Variants in DPYSL5 observed in about 807,000 individuals in gnomAD.
The protein encoded by DPYSL5 is dihydropyrimidinase like 5.
DPYSL5 carries 9 observed loss-of-function variants against 58.4 expected under a neutral mutation model. The ratio of observed to expected loss-of-function variants is 0.15; its 90% CI spans 0.09 to 0.27. DPYSL5 has a LOEUF of 0.27. Among genes scored for constraint, DPYSL5 ranks in the 10% least tolerant of loss-of-function variants. DPYSL5 has a pLI of 1.00. For synonymous variants in DPYSL5, 293 were observed against 301.9 expected, an observed-to-expected ratio of 0.97 and a Z score of 0.31; for missense variants, 499 against 770.6, an observed-to-expected ratio of 0.65 and a Z score of 4.17.
At chr2:26,862,158 G>A (rs1666032283) in intron 1 of DPYSL5, among the ~76,000 whole-genome samples, 1 of 152,166 alleles carries the variant, frequency 6.6e-6, no homozygotes, top group Admixed American at 6.5e-5. Flanking sequence ...GAGGACCCAG[G>A]GCTCCTGACC....
chr2:26,868,252 C>T (rs564380054), intron 1 of DPYSL5, among the ~76,000 whole-genome samples: 174 of 152,284 alleles, frequency 1.1e-3, no homozygotes, highest in African/African-American at 3.9e-3. Flanking sequence ...ATATGCGCTG[C>T]ACATGTTTTC....
chr2:26,848,101 C>T (rs1558315504), upstream of DPYSL5: 1 of 151,510 alleles, frequency 6.6e-6, no homozygotes, highest in East Asian at 2.0e-4. Flanking sequence ...CTCCCCCGCT[C>T]CCCACTCTGG....
In DPYSL5 at chr2:26,948,413, G is replaced by T. The variant is rs1665544865; in HGVS notation, c.*1418G>T. The T allele has an allele frequency of 6.6e-6, 1 of 152,390 alleles. No individual in the cohort carries two copies. The highest frequency in any genetic ancestry group is 2.1e-4 in the South Asian group (1 of 4,838). 9.4% of individuals were successfully genotyped at this position (152,390 alleles called of 1,614,324 possible). ...CAGAAGTTCCCATGGAAACACTAGA[G>T]GCCGGGTGTCTCCTTCCACCTCCAG... is the stretch of plus-strand genomic sequence containing the variant. On this transcript the variant is annotated 3_prime_UTR_variant, in exon 13 of 13. Coordinates refer to ENST00000288699, the MANE Select transcript of DPYSL5 (RefSeq NM_020134.4).
At chr2:26,857,463 C>G (rs1231207027) in intron 1 of DPYSL5, among the ~76,000 whole-genome samples, 1 of 151,960 alleles carries the variant, frequency 6.6e-6, no homozygotes, top group African/African-American at 2.4e-5. Context: ...TCGCTTGAAC[C>G]CGGGAGGTGG....
intron 12 of DPYSL5, 33 bp from the exon 13 acceptor site, chr2:26,946,877 C>A (rs1244732542): frequency 1.3e-6 from 2 of 1,583,504 alleles, no homozygotes; most frequent in African/African-American, 1.3e-5. Context: ...GGCACAAGAG[C>A]CCGTCTCACC....
chr2:26,913,624 T>A (rs1356647822), intron 2 of DPYSL5, among the ~76,000 whole-genome samples: 2 of 152,202 alleles, frequency 1.3e-5, no homozygotes, highest in African/African-American at 4.8e-5. Context: ...ATTTTGAGAA[T>A]CAAGTAAGAT....
intron 1 of DPYSL5, among the ~76,000 whole-genome samples, chr2:26,885,592 A>G (rs946639936): frequency 3.3e-5 from 5 of 152,168 alleles, no homozygotes; most frequent in African/African-American, 4.8e-5. Context: ...AGACCTCCTC[A>G]CTAGCCAATT....
intron 2 of DPYSL5, among the ~76,000 whole-genome samples, chr2:26,921,135 G>A (rs941128292): frequency 2.0e-5 from 3 of 152,072 alleles, no homozygotes; most frequent in Admixed American, 6.6e-5. Context: ...TATTTGGCCC[G>A]GGGATATAGC....
chr2:26,941,861 TA>T, intron 9 of DPYSL5, 88 bp from the exon 10 acceptor site: 1 of 1,569,466 alleles, frequency 6.4e-7, no homozygotes, highest in Non-Finnish European at 8.7e-7. Flanking sequence ...ACCTAAGCCC[TA>T]AGTCCATGGG....
rs1349815579 is a variant in DPYSL5 at position 26,905,415 on chromosome 2, G to T, written c.261+6655G>T. On this transcript the variant is annotated intron_variant, in intron 2 of 12. Coordinates refer to ENST00000288699, the MANE Select transcript of DPYSL5 (RefSeq NM_020134.4). The surrounding 1 kb of genome is among the most constrained non-coding windows in gnomAD (Gnocchi z 4.0). ...AGGCTCTTTTCTTCCAGTTCCTTGAGAAAAGATCCACCGACTTTGGCTTCA... is the reference window on the plus strand; with the variant it reads ...AGGCTCTTTTCTTCCAGTTCCTTGATAAAAGATCCACCGACTTTGGCTTCA... Among the ~76,000 whole-genome samples the T allele has an allele frequency of 1.3e-5, 2 of 152,168 alleles. No individual in the cohort carries two copies. Among genetic ancestry groups the T allele is most frequent in the Non-Finnish European group, 1.5e-5 (1 of 68,028 alleles).
Position 26,903,866 on chromosome 2 carries a change from T to A in DPYSL5, c.261+5106T>A, listed in dbSNP as rs78078167. ...CTCCTGTCTGTACCTATGGCAATCG[T>A]CAGTGAGAGAGAAGTTGGCAGTAGC... On this transcript the variant is annotated intron_variant, in intron 2 of 12. Coordinates refer to ENST00000288699, the MANE Select transcript of DPYSL5 (RefSeq NM_020134.4). Among the ~76,000 whole-genome samples the A allele has an allele frequency of 3.7e-3, 563 of 152,290 alleles. 8 individuals carry two copies. The East Asian group carries it at 0.055, about 15-fold the overall frequency.
intron 2 of DPYSL5, among the ~76,000 whole-genome samples, chr2:26,907,611 C>T (rs374644662): frequency 9.2e-5 from 14 of 152,146 alleles, no homozygotes; most frequent in East Asian, 7.7e-4. Context: ...GCTCCCCACA[C>T]GCACCCATCC....
chr2:26,910,020 T>A (rs1454108017), intron 2 of DPYSL5, among the ~76,000 whole-genome samples: 1 of 152,200 alleles, frequency 6.6e-6, no homozygotes, highest in Non-Finnish European at 1.5e-5. Context: ...CCTGTAATTT[T>A]CCCCCAGCTC....
intron 5 of DPYSL5, among the ~76,000 whole-genome samples, chr2:26,928,901 TGA>T (rs1440724469): frequency 2.0e-4 from 30 of 151,448 alleles, no homozygotes; most frequent in African/African-American, 6.3e-4. Context: ...AAAGACAGAC[TGA>T]AAAGGCCTTC....
rs1665365400 is a variant in DPYSL5, at chr2:26,942,985, G to T, written c.1440+235G>T. ...AAGTGGCATTTTAAGTGGTCAGGCA[G>T]CAGGGCTCCTGAGTTGCTGAGGGCA... On this transcript the variant is annotated intron_variant, in intron 11 of 12. Coordinates refer to ENST00000288699, the MANE Select transcript of DPYSL5 (RefSeq NM_020134.4). The surrounding 1 kb of genome is among the most constrained non-coding windows in gnomAD (Gnocchi z 5.9). 6.6e-6 allele frequency among the ~76,000 whole-genome samples: 1 copy of T among 152,234 alleles called. No homozygotes were observed. The highest frequency in any genetic ancestry group is 1.5e-5 in the Non-Finnish European group (1 of 68,046).
intron 1 of DPYSL5, among the ~76,000 whole-genome samples, chr2:26,871,949 C>T (rs1335161628): frequency 6.6e-6 from 1 of 151,982 alleles, no homozygotes; most frequent in Admixed American, 6.6e-5. Flanking sequence ...CAAACTAGAC[C>T]TTGGTCTTTC....
At chr2:26,932,199 G>A (rs1665042986) in intron 6 of DPYSL5, among the ~76,000 whole-genome samples, 1 of 75,324 alleles carries the variant, frequency 1.3e-5, no homozygotes, top group African/African-American at 4.8e-5. Context: ...AAGAAAGAAA[G>A]AAAGAAAGAA....
At chr2:26,911,495 G>A (rs1376986956) in intron 2 of DPYSL5, among the ~76,000 whole-genome samples, 2 of 152,100 alleles carry the variant, frequency 1.3e-5, no homozygotes, top group Non-Finnish European at 2.9e-5. Flanking sequence ...CAAGTTATTT[G>A]GAGGGAAAAA....
rs1245183644 is a variant in DPYSL5 at position 26,949,502 on chromosome 2, C to G, written c.*2507C>G. 6.6e-6 allele frequency: 1 copy of G among 152,372 alleles called. No homozygotes were observed. Among genetic ancestry groups the G allele is most frequent in the African/African-American group, 2.4e-5 (1 of 41,460 alleles). 9.4% of individuals were successfully genotyped at this position (152,372 alleles called of 1,614,324 possible). On this transcript the variant is annotated 3_prime_UTR_variant, in exon 13 of 13. Transcript: ENST00000288699. ...GGTGCAGTGCACACCATCTCTATCC[C>G]TGTCAGCCCTCACTGGGTCATGGGC...
Sources: gnomAD v4.1 joint callset for allele counts (sites outside exome capture counted in the v4.1 genomes callset) on GRCh38, gnomAD v4.1.1 for gene constraint, Gnocchi (gnomAD v3.1) non-coding constraint, MANE v1.5 for transcripts, NCBI Gene and HGNC (gene_info 2026-07-23, HGNC 2026-07-21) for gene names.